The following TMEM170A variants were observed in gnomAD, a reference collection of about 807,000 sequenced individuals.
TMEM170A encodes the protein transmembrane protein 170.
Under a neutral mutation model 12.8 loss-of-function variants are expected in TMEM170A, and 18 were observed. The ratio of observed to expected loss-of-function variants is 1.41; its 90% CI spans 0.97 to 2.09. TMEM170A has a LOEUF of 2.09. Among genes scored for constraint, TMEM170A ranks in the 30% most tolerant of loss-of-function variants. TMEM170A has a pLI of 0.00. For synonymous variants in TMEM170A, 107 were observed against 76.2 expected (o/e 1.40, Z -2.11); for missense variants, 220 against 179.9 (o/e 1.22, Z -1.28).
chr16:75,449,829 A>G (rs1484451235), intron 2 of TMEM170A, among the ~76,000 whole-genome samples: 1 of 152,236 alleles, frequency 6.6e-6, no homozygotes, highest in African/African-American at 2.4e-5. Flanking sequence ...GTTGGATAGA[A>G]AGAAGCTTAA....
chr16:75,454,481 C>CACAT (rs1450192704), intron 1 of TMEM170A, among the ~76,000 whole-genome samples: 1 of 151,452 alleles, frequency 6.6e-6, no homozygotes, highest in East Asian at 1.9e-4. Flanking sequence ...CACACACACA[C>CACAT]AAAATTAGCC....
intron 1 of TMEM170A, chr16:75,464,223 C>T: frequency 7.3e-6 from 11 of 1,504,070 alleles, no homozygotes; most frequent in Non-Finnish European, 9.7e-6. Flanking sequence ...CCTCCAGCCC[C>T]GGGCCCACCT....
intron 1 of TMEM170A, 108 bp from the exon 2 acceptor site, chr16:75,451,947 T>C: frequency 9.3e-7 from 1 of 1,071,640 alleles, no homozygotes; most frequent in East Asian, 2.7e-5. Context: ...CGTTTCTTTT[T>C]TCCTTTTTTT....
At chr16:75,454,860 G>A (rs1466985248) in intron 1 of TMEM170A, among the ~76,000 whole-genome samples, 2 of 152,160 alleles carry the variant, frequency 1.3e-5, no homozygotes, top group East Asian at 1.9e-4. Context: ...GAAGTCAAAT[G>A]TGCATGGCCC....
At chr16:75,461,669 G>C (rs927286306) in intron 1 of TMEM170A, among the ~76,000 whole-genome samples, 2 of 152,182 alleles carry the variant, frequency 1.3e-5, no homozygotes, top group Non-Finnish European at 2.9e-5. Context: ...ACAGCAGGGA[G>C]GTTATGTGTT....
intron 2 of TMEM170A, among the ~76,000 whole-genome samples, chr16:75,451,048 G>A (rs2079671935): frequency 6.6e-6 from 1 of 152,004 alleles, no homozygotes; most frequent in African/African-American, 2.4e-5. Flanking sequence ...CATCTTGCAG[G>A]GCCAATGCTC....
chr16:75,463,566 C>G (rs1202178140), intron 1 of TMEM170A, among the ~76,000 whole-genome samples: 1 of 152,224 alleles, frequency 6.6e-6, no homozygotes, highest in African/African-American at 2.4e-5. Context: ...GGAATCTCGT[C>G]CTCCTTCCCT....
intron 1 of TMEM170A, among the ~76,000 whole-genome samples, chr16:75,456,065 G>A (rs1231910543): frequency 6.6e-6 from 1 of 152,160 alleles, no homozygotes; most frequent in Non-Finnish European, 1.5e-5. Flanking sequence ...TTGTTGAGAA[G>A]CTGGATTTAA....
At position 75,446,633 on chromosome 16, in the gene TMEM170A, T is replaced by C. The variant is rs2079591057; in HGVS notation, c.*925A>G. 1 of 152,204 alleles carries C rather than the reference T, an allele frequency of 6.6e-6. No homozygotes were observed. Among genetic ancestry groups the C allele is most frequent in the Non-Finnish European group, 1.5e-5 (1 of 68,038 alleles). The allele number at this position is 152,204 out of a possible 1,614,324, so 9.4% of individuals were successfully genotyped here. On this transcript the variant is annotated 3_prime_UTR_variant, in exon 3 of 3. Transcript: ENST00000561878. Reference sequence around the variant, plus strand: ...AACTCTAGTTTCAGATGCACTTCTATAGTTTCTCAAGGGTCATTAGTATAC... The same window carrying C: ...AACTCTAGTTTCAGATGCACTTCTACAGTTTCTCAAGGGTCATTAGTATAC...
chr16:75,451,139 T>C (rs1395293604), intron 2 of TMEM170A, among the ~76,000 whole-genome samples: 5 of 152,140 alleles, frequency 3.3e-5, no homozygotes, highest in African/African-American at 1.2e-4. Flanking sequence ...TCACGAGATA[T>C]ATCTCACAAA....
intron 2 of TMEM170A, 44 bp from the exon 3 acceptor site, chr16:75,447,732 G>A: frequency 1.9e-6 from 3 of 1,554,882 alleles, no homozygotes; most frequent in East Asian, 2.3e-5. Flanking sequence ...AAAAAACGAA[G>A]GTTAACAAAC....
chr16:75,455,158 C>A (rs983655337), intron 1 of TMEM170A, among the ~76,000 whole-genome samples: 1 of 152,034 alleles, frequency 6.6e-6, no homozygotes, highest in African/African-American at 2.4e-5. Context: ...AAGATTGAGA[C>A]CATCCTGGCT....
intron 1 of TMEM170A, among the ~76,000 whole-genome samples, chr16:75,457,872 T>G (rs144910898): frequency 6.6e-6 from 1 of 152,254 alleles, no homozygotes; most frequent in East Asian, 1.9e-4. Context: ...ATAGCATCAC[T>G]AAAGTCATTT....
chr16:75,451,677 A>C lies in TMEM170A; in HGVS notation c.296T>G (p.Ile99Ser). ...MGIVGPITAG[I>S]LTSAAIAGVY... The stretch of plus-strand genomic sequence containing the variant: ...TTTAATGTCTAACATACTTGTCAAG[A>C]TTCCAGCAGTAATTGGTCCCACGAT... Residue 99 changes from isoleucine to serine, a missense_variant, in exon 2 of 3, where the codon ATC becomes AGC. Coordinates refer to ENST00000561878, the MANE Select transcript of TMEM170A (RefSeq NM_145254.3). 1.2e-6 allele frequency: 2 copies of C among 1,614,228 alleles called. No individual in the cohort carries two copies. The highest frequency in any genetic ancestry group is 1.7e-6 in the Non-Finnish European group (2 of 1,180,036).
chr16:75,463,237 C>T (rs8055490), intron 1 of TMEM170A, among the ~76,000 whole-genome samples: 84,737 of 151,818 alleles, frequency 0.56, 24,681 homozygotes, highest in Admixed American at 0.68. Flanking sequence ...CCCAGTAGTG[C>T]CTCCAGATTG....
rs1307249515 is a variant in TMEM170A at position 75,447,553 on chromosome 16, G to A, written c.*5C>T. Reference sequence around the variant, plus strand: ...AAGTTCAACATCTCAGCATAAGGATGTATGCTATAGAGTAGCTAAAATCCG... The same window carrying A: ...AAGTTCAACATCTCAGCATAAGGATATATGCTATAGAGTAGCTAAAATCCG... On this transcript the variant is annotated 3_prime_UTR_variant, in exon 3 of 3. Transcript: ENST00000561878. 3 of 1,605,664 alleles carry A rather than the reference G, an allele frequency of 1.9e-6. No individual in the cohort carries two copies. The highest frequency in any genetic ancestry group is 1.3e-5 in the African/African-American group (1 of 74,178).
intron 1 of TMEM170A, among the ~76,000 whole-genome samples, chr16:75,452,921 G>A (rs2079715139): frequency 6.6e-6 from 1 of 151,952 alleles, no homozygotes; most frequent in African/African-American, 2.4e-5. Flanking sequence ...CAAGAGTTTT[G>A]CACACACATA....
chr16:75,447,627 G>T lies in TMEM170A; in HGVS notation c.366C>A (p.Leu122=), dbSNP rs751107600. 1.9e-6 allele frequency: 3 copies of T among 1,612,824 alleles called. No individual in the cohort carries two copies. Among genetic ancestry groups the T allele is most frequent in the Non-Finnish European group, 2.5e-6 (3 of 1,179,552 alleles). Residue 122 remains leucine, a synonymous_variant, in exon 3 of 3, where the codon CTC becomes CTA. Transcript: ENST00000561878. ...AGKEMIPFEA[L]TLGTGQTFCV... is the part of the protein sequence containing the mutation. Reference sequence around the variant, plus strand: ...AAAATGTCTGTCCAGTGCCCAGTGTGAGGGCTTCAAATGGTATCATTTCCT... The same window carrying T: ...AAAATGTCTGTCCAGTGCCCAGTGTTAGGGCTTCAAATGGTATCATTTCCT...
At chr16:75,464,306 G>A (rs2079958529) in intron 1 of TMEM170A, 162 bp downstream of exon 1, 3 of 1,472,916 alleles carry the variant, frequency 2.0e-6, no homozygotes, top group Non-Finnish European at 2.7e-6. Flanking sequence ...AGAAGTGATG[G>A]GGAAAGGGGC....
Sources: allele counts gnomAD v4.1 joint callset (sites outside exome capture counted in the v4.1 genomes callset), GRCh38; gene constraint gnomAD v4.1.1; transcripts MANE v1.5; gene names NCBI Gene and HGNC (gene_info 2026-07-23, HGNC 2026-07-21).